The following TRIM37 variants were observed in gnomAD, a reference collection of about 807,000 sequenced individuals.
TRIM37 encodes the protein E3 ubiquitin-protein ligase TRIM37.
In TRIM37, 80 loss-of-function variants were observed where a neutral mutation model predicts 129.8. That is an observed-to-expected ratio of 0.62 (90% CI 0.51 to 0.74). The LOEUF (loss-of-function observed/expected upper bound fraction) is 0.74. Among genes scored for constraint, TRIM37 ranks in the 30% least tolerant of loss-of-function variants. TRIM37 has a pLI of 0.00. For synonymous variants in TRIM37, 389 were observed against 387.1 expected, an observed-to-expected ratio of 1.00 and a Z score of -0.06; for missense variants, 1,054 against 1,176.5, an observed-to-expected ratio of 0.90 and a Z score of 1.52.
chr17:59,001,469 A>T, intron 23 of TRIM37, 129 bp downstream of exon 23: 15 of 1,067,678 alleles, frequency 1.4e-5, no homozygotes, highest in Non-Finnish European at 1.9e-5. Context: ...AAAAAAAAAA[A>T]GAAGTAGAAG....
chr17:58,973,755 A>T, the TRIM37 span, among the ~76,000 whole-genome samples: 7 of 152,102 alleles, frequency 4.6e-5, no homozygotes, highest in Non-Finnish European at 7.4e-5. Context: ...GATGGAGACC[A>T]TCCTGGCTAA....
At position 59,028,713 on chromosome 17, in the gene TRIM37, A is replaced by C; in HGVS notation, c.1959T>G (p.Ser653=). The part of the protein sequence containing the change: ...ASLLQPTASY[S]RKDKDQRKQQ... ...GCTTCCTTTGGTCTTTATCTTTTCG[A>C]GAATATGATGCTTCAGAGAAATTGA... Residue 653 remains serine, a synonymous_variant, in exon 19 of 24, where the codon TCT becomes TCG. Coordinates refer to ENST00000262294, the MANE Select transcript of TRIM37 (RefSeq NM_015294.6). The C allele has an allele frequency of 6.2e-7, 1 of 1,614,162 alleles. No homozygotes were observed. The highest frequency in any genetic ancestry group is 8.5e-7 in the Non-Finnish European group (1 of 1,180,024).
At chr17:58,980,879 T>C, downstream of TRIM37, 2 of 1,614,204 alleles carry the variant, frequency 1.2e-6, no homozygotes, top group East Asian at 2.2e-5. The surrounding 1 kb of genome is among the most constrained non-coding windows in gnomAD (Gnocchi z 4.7). Flanking sequence ...TAGCCTGTCC[T>C]CACTTACTGG....
In TRIM37 at chr17:59,060,708, T is replaced by C. The variant is rs1303272971; in HGVS notation, c.1019+324A>G. Among the ~76,000 whole-genome samples the C allele has an allele frequency of 2.0e-5, 3 of 152,204 alleles. No individual in the cohort carries two copies. The East Asian group carries it at 5.8e-4, about 29-fold the overall frequency. ...TAAAATTAGATGTTGGTGATGGTTG[T>C]AGAACTCTGCAGACAGATTTCATAC... On this transcript the variant is annotated intron_variant, in intron 12 of 23. Coordinates refer to ENST00000262294, the MANE Select transcript of TRIM37 (RefSeq NM_015294.6).
downstream of TRIM37, chr17:58,981,153 TTAAATGTAAATAGA>T: frequency 1.4e-6 from 1 of 694,792 alleles, no homozygotes; most frequent in Non-Finnish European, 2.3e-6. Flanking sequence ...GGCTCAATTC[TTAAATGTAAATAGA>T]TCTCTAGGAA....
At chr17:59,103,302 G>T (rs549705934) in intron 2 of TRIM37, among the ~76,000 whole-genome samples, 2 of 152,032 alleles carry the variant, frequency 1.3e-5, no homozygotes, top group African/African-American at 4.8e-5. Context: ...TTGGACTCTC[G>T]CATACACAAC....
At position 59,015,659 on chromosome 17, in the gene TRIM37, A is replaced by G. The variant is rs1435984011; in HGVS notation, c.2527T>C (p.Phe843Leu). 6.2e-7 allele frequency: 1 copy of G among 1,614,146 alleles called. No homozygotes were observed. Among genetic ancestry groups the G allele is most frequent in the South Asian group, 1.1e-5 (1 of 91,082 alleles). ...LDSDAVVVAV[F>L]SGLPAVEKRR... ...TTCTCAACCGCAGGCAAGCCACTGA[A>G]AACTGCAACCACAACAGCATCTGAA... Residue 843 changes from phenylalanine to leucine, a missense_variant, in exon 21 of 24, where the codon TTC (phenylalanine) becomes CTC (leucine). Coordinates refer to ENST00000262294, the MANE Select transcript of TRIM37 (RefSeq NM_015294.6).
chr17:59,016,442 C>G (rs993362881), intron 20 of TRIM37, among the ~76,000 whole-genome samples: 3 of 150,822 alleles, frequency 2.0e-5, no homozygotes, highest in Non-Finnish European at 4.4e-5. Flanking sequence ...GAAACATATC[C>G]CTTGTTTTTT....
At chr17:59,074,618 A>G (rs2146880753) in intron 8 of TRIM37, among the ~76,000 whole-genome samples, 1 of 152,358 alleles carries the variant, frequency 6.6e-6, no homozygotes, top group African/African-American at 2.4e-5. Flanking sequence ...AAACAAAACA[A>G]GTAAACCAAG....
At chr17:59,098,338 T>C (rs1458198569) in intron 2 of TRIM37, among the ~76,000 whole-genome samples, 1 of 152,154 alleles carries the variant, frequency 6.6e-6, no homozygotes, top group African/African-American at 2.4e-5. Context: ...ATGTACTTAA[T>C]GCCGCTAAAC....
At chr17:59,048,015 A>T (rs1410912305) in intron 15 of TRIM37, among the ~76,000 whole-genome samples, 196 bp from the exon 16 acceptor site, 1 of 152,158 alleles carries the variant, frequency 6.6e-6, no homozygotes, top group Non-Finnish European at 1.5e-5. Flanking sequence ...TTACTAACTT[A>T]TGCGTGCCGC....
chr17:59,060,726 T>C (rs954637898), intron 12 of TRIM37, among the ~76,000 whole-genome samples: 11 of 152,128 alleles, frequency 7.2e-5, no homozygotes, highest in African/African-American at 2.7e-4. Context: ...TGCAGACAGA[T>C]TTCATACATG....
At chr17:58,974,837 G>C in the TRIM37 span, among the ~76,000 whole-genome samples, 1 of 152,192 alleles carries the variant, frequency 6.6e-6, no homozygotes, top group Non-Finnish European at 1.5e-5. Context: ...AGCAAGCTGT[G>C]AAGTGGCCCA....
At chr17:58,994,746 CTTTCT>C (rs2032804518), downstream of TRIM37, among the ~76,000 whole-genome samples, 1 of 151,046 alleles carries the variant, frequency 6.6e-6, no homozygotes, top group African/African-American at 2.4e-5. Flanking sequence ...CATTTTCTTT[CTTTCT>C]TTTTTTTTTT....
At chr17:59,025,370 G>A (rs1281927601) in intron 19 of TRIM37, among the ~76,000 whole-genome samples, 3 of 151,032 alleles carry the variant, frequency 2.0e-5, no homozygotes, top group Non-Finnish European at 4.4e-5. Flanking sequence ...GAATATTATT[G>A]CCATGAATAT....
At position 59,106,756 on chromosome 17, in the gene TRIM37, C is replaced by T; in HGVS notation, c.-295G>A. ...GCCAGCAGCCGCGCCGGAACCTCGGCCCACGTGACGCGGGCGCGCGCCTAT... is the reference window on the plus strand; with the variant it reads ...GCCAGCAGCCGCGCCGGAACCTCGGTCCACGTGACGCGGGCGCGCGCCTAT... On this transcript the variant is annotated 5_prime_UTR_variant, in exon 1 of 24. Coordinates refer to ENST00000262294, the MANE Select transcript of TRIM37 (RefSeq NM_015294.6). 1.8e-6 allele frequency: 1 copy of T among 565,458 alleles called. No individual in the cohort carries two copies. Among genetic ancestry groups the T allele is most frequent in the South Asian group, 2.1e-5 (1 of 47,644 alleles). The allele number at this position is 565,458 out of a possible 1,614,324, so 35.0% of individuals were successfully genotyped here.
intron 16 of TRIM37, among the ~76,000 whole-genome samples, chr17:59,043,330 C>A (rs1392012697): frequency 1.3e-5 from 2 of 152,136 alleles, no homozygotes; most frequent in African/African-American, 4.8e-5. Context: ...CTTAACGACT[C>A]TGGAAATGGT....
chr17:58,984,080 T>A (rs1019972333), intron 24 of TRIM37: 1 of 152,636 alleles, frequency 6.6e-6, no homozygotes, highest in East Asian at 1.9e-4. Flanking sequence ...TAGAAACACA[T>A]ATGTATATAC....
intron 21 of TRIM37, among the ~76,000 whole-genome samples, chr17:59,015,073 T>A (rs1392885707): frequency 1.5e-5 from 2 of 129,724 alleles, no homozygotes; most frequent in Admixed American, 8.3e-5. Flanking sequence ...CGAGACTCCA[T>A]CTCAAAAAAA....
Sources: allele counts gnomAD v4.1 joint callset (sites outside exome capture counted in the v4.1 genomes callset), GRCh38; gene constraint gnomAD v4.1.1; non-coding constraint Gnocchi (gnomAD v3.1); transcripts MANE v1.5; gene names NCBI Gene and HGNC (gene_info 2026-07-23, HGNC 2026-07-21).